SCN9A: variants seen among roughly 807,000 people sequenced by gnomAD.
The protein encoded by SCN9A is sodium channel protein type 9 subunit alpha.
A neutral mutation model predicts 187.0 loss-of-function variants in SCN9A; 131 were observed. That is an observed-to-expected ratio of 0.70 (90% confidence interval 0.61 to 0.81). The LOEUF (loss-of-function observed/expected upper bound fraction) is 0.81. SCN9A is among the 30% of genes least tolerant of loss of function. SCN9A has a pLI of 0.00. For synonymous variants in SCN9A, 809 were observed against 808.6 expected (o/e 1.00, Z -0.01); for missense variants, 2,252 against 2,396.6 (o/e 0.94, Z 1.26).
intron 1 of SCN9A, among the ~76,000 whole-genome samples, chr2:166,368,828 A>C (rs888437337): frequency 4.0e-5 from 6 of 151,640 alleles, no homozygotes; most frequent in Non-Finnish European, 8.8e-5. Context: ...TCTCTACTAA[A>C]AATACAAAAT....
Position 166,277,030 on chromosome 2 carries a change from T to C in SCN9A, c.2827A>G (p.Met943Val). Residue 943 changes from methionine (M) to valine (V), a missense_variant, in exon 16 of 27, where the codon ATG (methionine) becomes GTG (valine). Transcript: ENST00000642356. ...WDCMEVAGQA[M>V]CLIVYMMVMV... is the part of the protein sequence containing the mutation. ...ACCATCATGTAAACAATAAGGCACA[T>C]AGCTTGACCAGCGACCTCCATACAG... The C allele has an allele frequency of 1.2e-6, 2 of 1,613,876 alleles. No individual in the cohort carries two copies. Among genetic ancestry groups the C allele is most frequent in the Non-Finnish European group, 1.7e-6 (2 of 1,179,912 alleles).
chr2:166,322,029 G>A (rs1230510099), intron 1 of SCN9A, among the ~76,000 whole-genome samples: 2 of 151,932 alleles, frequency 1.3e-5, no homozygotes, highest in South Asian at 2.1e-4. Context: ...ATTTTAAAAC[G>A]CTGATCTTCC....
chr2:166,216,560 A>G lies in SCN9A; in HGVS notation c.4398+10007T>C, dbSNP rs187089909. Among the ~76,000 whole-genome samples, 80 of 152,204 alleles carry G rather than the reference A, an allele frequency of 5.3e-4. No individual in the cohort carries two copies. In the East Asian group the frequency reaches 0.014, roughly 27 times the overall value. On this transcript the variant is annotated intron_variant, in intron 24 of 26. Coordinates refer to ENST00000642356, the MANE Select transcript of SCN9A (RefSeq NM_001365536.1). Reference sequence around the variant, plus strand: ...TTGCAGTTTGCAAAATCAACATAGAAAAATCAGTAGCATTTCTATACATTA... The same window carrying G: ...TTGCAGTTTGCAAAATCAACATAGAGAAATCAGTAGCATTTCTATACATTA...
chr2:166,280,664 A>T, intron 13 of SCN9A, 69 bp from the exon 14 acceptor site: 1 of 869,478 alleles, frequency 1.2e-6, no homozygotes, highest in Non-Finnish European at 1.8e-6. Context: ...GATACAAATC[A>T]GTCAGGCATT....
At chr2:166,218,799 A>C (rs1052655905) in intron 24 of SCN9A, among the ~76,000 whole-genome samples, 1 of 152,222 alleles carries the variant, frequency 6.6e-6, no homozygotes, top group Non-Finnish European at 1.5e-5. Context: ...AGAATGGGAG[A>C]AAATTTTTGC....
intron 24 of SCN9A, among the ~76,000 whole-genome samples, chr2:166,216,493 T>A (rs1330041803): frequency 6.6e-6 from 1 of 152,052 alleles, no homozygotes; most frequent in Non-Finnish European, 1.5e-5. Flanking sequence ...CCCTGAACAC[T>A]CTACTGAGAA....
intron 1 of SCN9A, among the ~76,000 whole-genome samples, chr2:166,319,257 T>C (rs1018089028): frequency 6.6e-6 from 1 of 151,832 alleles, no homozygotes; most frequent in Non-Finnish European, 1.5e-5. Context: ...TCAAGTGTGA[T>C]GGCAAACAAA....
chr2:166,317,993 G>A (rs1699147914), intron 1 of SCN9A, among the ~76,000 whole-genome samples: 1 of 152,134 alleles, frequency 6.6e-6, no homozygotes, highest in South Asian at 2.1e-4. Context: ...TGGCAAATAT[G>A]TGATGTAGAT....
chr2:166,252,187 G>GTA (rs1212230330), intron 17 of SCN9A, among the ~76,000 whole-genome samples: 4 of 151,878 alleles, frequency 2.6e-5, no homozygotes, highest in African/African-American at 7.2e-5. Context: ...CTTTTGGAAA[G>GTA]TATTGACCAC....
chr2:166,215,779 C>CAAAAAAAAAA (rs33938188), intron 24 of SCN9A, among the ~76,000 whole-genome samples: 1 of 134,796 alleles, frequency 7.4e-6, no homozygotes, highest in African/African-American at 2.7e-5. Flanking sequence ...GTCTCCTAAC[C>CAAAAAAAAAA]AAAAAAAAAA....
At chr2:166,287,181 T>C (rs964729966) in intron 10 of SCN9A, among the ~76,000 whole-genome samples, 2 of 152,156 alleles carry the variant, frequency 1.3e-5, no homozygotes, top group African/African-American at 4.8e-5. Context: ...ATGTTTTGTT[T>C]ATAAACACTA....
At chr2:166,228,247 CTT>C (rs33924683) in intron 22 of SCN9A, among the ~76,000 whole-genome samples, 4,209 of 85,198 alleles carry the variant, frequency 0.049, 16 homozygotes, top group Non-Finnish European at 0.066. Context: ...AAGACCAACA[CTT>C]TTTTTTTTTT....
At chr2:166,278,639 G>A (rs1350615967) in intron 14 of SCN9A, among the ~76,000 whole-genome samples, 1 of 151,874 alleles carries the variant, frequency 6.6e-6, no homozygotes, top group Non-Finnish European at 1.5e-5. Flanking sequence ...AATTTATGTG[G>A]GTCAAAAAGT....
chr2:166,245,433 G>A (rs17816026), intron 18 of SCN9A, among the ~76,000 whole-genome samples: 3,585 of 151,880 alleles, frequency 0.024, 62 homozygotes, highest in Middle Eastern at 0.058. Flanking sequence ...AATGAGAGAT[G>A]AACAAGAAGG....
At chr2:166,234,936 G>C (rs990553226) in intron 20 of SCN9A, among the ~76,000 whole-genome samples, 2 of 152,072 alleles carry the variant, frequency 1.3e-5, no homozygotes, top group Non-Finnish European at 2.9e-5. Flanking sequence ...GAGTGAGTTA[G>C]ATATCACAAG....
Position 166,278,266 on chromosome 2 carries a change from G to C in SCN9A, c.2391C>G (p.Ala797=). 1 of 1,611,420 alleles carries C rather than the reference G, an allele frequency of 6.2e-7. No individual in the cohort carries two copies. Among genetic ancestry groups the C allele is most frequent in the Non-Finnish European group, 8.5e-7 (1 of 1,178,944 alleles). The change falls in exon 15 of 27, where the codon GCC becomes GCG. Residue 797 remains alanine (A), a synonymous_variant. Transcript: ENST00000642356. ...CTTGGAAATACTCATATGGATCCAT[G>C]GCAATCAGTTTTAATACCATTTCAG... ...FAAEMVLKLI[A]MDPYEYFQVG... is the part of the protein sequence containing the mutation.
rs904744063 is a variant in SCN9A at position 166,197,656 on chromosome 2, A to T, written c.*1016T>A. On this transcript the variant is annotated 3_prime_UTR_variant, in exon 27 of 27. Transcript: ENST00000642356. Reference sequence around the variant, plus strand: ...CAAGTTATTATCTGCTCAAGTATGTACCGTGGTCAAACAACTAACTGCATA... The same window carrying T: ...CAAGTTATTATCTGCTCAAGTATGTTCCGTGGTCAAACAACTAACTGCATA... The T allele has an allele frequency of 6.6e-6, 1 of 152,170 alleles. No individual in the cohort carries two copies. Among genetic ancestry groups the T allele is most frequent in the African/African-American group, 2.4e-5 (1 of 41,452 alleles). 9.4% of individuals were successfully genotyped at this position (152,170 alleles called of 1,614,324 possible). A position where few individuals can be genotyped will look rare whatever the true frequency, so the allele number is the denominator to read the frequency against.
chr2:166,307,116 T>C, intron 2 of SCN9A, 42 bp from the exon 3 acceptor site: 1 of 1,176,106 alleles, frequency 8.5e-7, no homozygotes, highest in African/African-American at 1.5e-5. Context: ...GAATCCAAAA[T>C]ATCAATTTTT....
chr2:166,222,958 A>AAAAAAAAAAAAAAAAAC (rs1694677310), intron 24 of SCN9A, among the ~76,000 whole-genome samples: 1 of 146,042 alleles, frequency 6.8e-6, no homozygotes, highest in Non-Finnish European at 1.5e-5. Flanking sequence ...AAAAAAAAAA[A>AAAAAAAAAAAAAAAAAC]AAAAAAAAAA....
Sources: allele counts gnomAD v4.1 joint callset (sites outside exome capture counted in the v4.1 genomes callset), GRCh38; gene constraint gnomAD v4.1.1; transcripts MANE v1.5; gene names NCBI Gene and HGNC (gene_info 2026-07-23, HGNC 2026-07-21).